PTPRT: variants seen among roughly 807,000 people sequenced by gnomAD.
PTPRT encodes the protein protein tyrosine phosphatase receptor type T.
PTPRT carries 56 observed loss-of-function variants against 176.8 expected under a neutral mutation model. The observed-to-expected ratio is 0.32, with a 90% CI of 0.26 to 0.40. The LOEUF (loss-of-function observed/expected upper bound fraction) is 0.40. PTPRT is among the 10% of genes least tolerant of loss of function. PTPRT has a pLI of 1.00. For synonymous variants in PTPRT, 783 were observed against 739.0 expected (o/e 1.06, Z -0.96); for missense variants, 1,540 against 1,908.2 (o/e 0.81, Z 3.60).
Position 42,406,569 on chromosome 20 carries a change from C to G in PTPRT, c.1560+41651G>C, listed in dbSNP as rs147437821. 4.4e-3 allele frequency among the ~76,000 whole-genome samples: 665 copies of G among 151,956 alleles called. 4 individuals are homozygous for G. Among genetic ancestry groups the G allele is most frequent in the African/African-American group, 0.016 (645 of 41,486 alleles). On this transcript the variant is annotated intron_variant, in intron 9 of 30. Transcript: ENST00000373187. Reference sequence around the variant, plus strand: ...TTCCAAATGATTTTAAAAATATATCCTTTAAGGAAAGATAACTCTGATAAT... The same window carrying G: ...TTCCAAATGATTTTAAAAATATATCGTTTAAGGAAAGATAACTCTGATAAT...
At chr20:42,113,498 C>T (rs1483010825) in intron 22 of PTPRT, among the ~76,000 whole-genome samples, 1 of 152,236 alleles carries the variant, frequency 6.6e-6, no homozygotes, top group African/African-American at 2.4e-5. Flanking sequence ...GGCTGGCCCA[C>T]CCTGGAGGTT....
chr20:42,380,277 T>A (rs1249820068), intron 9 of PTPRT, among the ~76,000 whole-genome samples: 1 of 152,188 alleles, frequency 6.6e-6, no homozygotes, highest in East Asian at 1.9e-4. Flanking sequence ...ACCTTCTCCA[T>A]GTGCTGGAGC....
At chr20:42,283,172 T>C (rs1200543241) in intron 12 of PTPRT, among the ~76,000 whole-genome samples, 2 of 152,166 alleles carry the variant, frequency 1.3e-5, no homozygotes, top group Non-Finnish European at 2.9e-5. Context: ...AAATGTGTGA[T>C]GTTGCTGGGC....
chr20:42,290,160 A>G (rs971869360), intron 12 of PTPRT, among the ~76,000 whole-genome samples: 19 of 152,186 alleles, frequency 1.2e-4, no homozygotes, highest in African/African-American at 3.6e-4. Context: ...CTCGGATTAT[A>G]TAAGTCTCTG....
At chr20:42,362,383 G>T (rs999298715) in intron 9 of PTPRT, among the ~76,000 whole-genome samples, 221 of 151,692 alleles carry the variant, frequency 1.5e-3, no homozygotes, top group African/African-American at 5.2e-3. Flanking sequence ...GCATAATCTC[G>T]ATCTAATCGT....
intron 13 of PTPRT, among the ~76,000 whole-genome samples, chr20:42,277,303 T>G (rs946995943): frequency 6.6e-6 from 1 of 152,192 alleles, no homozygotes; most frequent in African/African-American, 2.4e-5. Flanking sequence ...TTATTTTGTC[T>G]CAATGACTCG....
chr20:42,147,441 C>T (rs540198540), intron 17 of PTPRT, among the ~76,000 whole-genome samples: 1 of 152,320 alleles, frequency 6.6e-6, no homozygotes, highest in East Asian at 1.9e-4. Context: ...TGGACAGACT[C>T]ACCAGAGTTT....
intron 9 of PTPRT, among the ~76,000 whole-genome samples, chr20:42,410,071 C>T (rs1445394699): frequency 1.3e-5 from 2 of 152,040 alleles, no homozygotes; most frequent in Non-Finnish European, 2.9e-5. Flanking sequence ...TATGATGTTT[C>T]ATGCAAAAAC....
At chr20:42,970,431 A>G (rs958451148) in intron 1 of PTPRT, among the ~76,000 whole-genome samples, 1 of 152,126 alleles carries the variant, frequency 6.6e-6, no homozygotes, top group African/African-American at 2.4e-5. Flanking sequence ...CTCACACTAC[A>G]GTGGTTATAC....
intron 3 of PTPRT, among the ~76,000 whole-genome samples, chr20:42,786,022 T>C (rs2077284634): frequency 6.6e-6 from 1 of 152,174 alleles, no homozygotes; most frequent in Non-Finnish European, 1.5e-5. Flanking sequence ...GTTCTTGTGA[T>C]ACTGAATGAG....
At chr20:42,614,674 A>G (rs1249437341) in intron 7 of PTPRT, among the ~76,000 whole-genome samples, 3 of 152,090 alleles carry the variant, frequency 2.0e-5, no homozygotes, top group Non-Finnish European at 2.9e-5. Context: ...TGTTCTGACC[A>G]CCCTGCAATG....
intron 1 of PTPRT, among the ~76,000 whole-genome samples, chr20:42,943,914 G>C (rs1323258422): frequency 1.3e-5 from 2 of 152,142 alleles, no homozygotes; most frequent in Non-Finnish European, 2.9e-5. Context: ...AGCTACTTAG[G>C]AGGCTGAGGC....
intron 9 of PTPRT, among the ~76,000 whole-genome samples, chr20:42,440,324 A>G (rs2059301388): frequency 6.6e-6 from 1 of 152,174 alleles, no homozygotes; most frequent in South Asian, 2.1e-4. Context: ...AGTTAGACAA[A>G]AATAATCATC....
At chr20:42,408,700 CA>C (rs1382926349) in intron 9 of PTPRT, among the ~76,000 whole-genome samples, 2 of 151,480 alleles carry the variant, frequency 1.3e-5, no homozygotes, top group African/African-American at 4.9e-5. Context: ...TCTTGCAATA[CA>C]AAAATGAAAT....
chr20:42,115,464 C>T (rs566583258), intron 21 of PTPRT, 149 bp from the exon 22 acceptor site: 45 of 644,634 alleles, frequency 7.0e-5, no homozygotes, highest in Non-Finnish European at 1.1e-4. Context: ...ACAGGGTTCA[C>T]AGCTGGCCAG....
intron 18 of PTPRT, among the ~76,000 whole-genome samples, chr20:42,135,142 T>C (rs2146388469): frequency 6.6e-6 from 1 of 152,284 alleles, no homozygotes; most frequent in African/African-American, 2.4e-5. Context: ...AGGTTATGGA[T>C]TGGGTGGAGT....
Position 43,121,207 on chromosome 20 carries a change from T to C in PTPRT, c.88+68439A>G, listed in dbSNP as rs200578614. 2.1e-4 allele frequency among the ~76,000 whole-genome samples: 32 copies of C among 152,052 alleles called. No individual in the cohort carries two copies. The East Asian group carries it at 5.8e-3, about 27-fold the overall frequency. On this transcript the variant is annotated intron_variant, in intron 1 of 30. Transcript: ENST00000373187. ...GTAGTTCATTATTCATTATCTTTGC[T>C]GGATGGTATTTCTTTGCATAAAATA... is the stretch of plus-strand genomic sequence containing the variant.
chr20:42,240,936 C>A (rs1180733741), intron 14 of PTPRT, among the ~76,000 whole-genome samples: 1 of 152,170 alleles, frequency 6.6e-6, no homozygotes, highest in African/African-American at 2.4e-5. Context: ...GGAGATCAAT[C>A]ATGTGTCAGG....
intron 7 of PTPRT, among the ~76,000 whole-genome samples, chr20:42,654,917 AT>A (rs2075097995): frequency 6.6e-6 from 1 of 152,186 alleles, no homozygotes; most frequent in African/African-American, 2.4e-5. Flanking sequence ...AAATTTATAG[AT>A]TATATCTTAT....
Sources: allele counts gnomAD v4.1 joint callset (sites outside exome capture counted in the v4.1 genomes callset), GRCh38; gene constraint gnomAD v4.1.1; transcripts MANE v1.5; gene names NCBI Gene and HGNC (gene_info 2026-07-23, HGNC 2026-07-21).